Variants in PRICKLE2 observed in about 807,000 individuals in gnomAD.
The protein encoded by PRICKLE2 is prickle planar cell polarity protein 2, also known as prickle-like protein 2.
A neutral mutation model predicts 81.4 loss-of-function variants in PRICKLE2; 21 were observed. The ratio of observed to expected loss-of-function variants is 0.26; its 90% CI spans 0.18 to 0.37. The LOEUF (loss-of-function observed/expected upper bound fraction) is 0.37. PRICKLE2 is among the 10% of genes least tolerant of loss of function. PRICKLE2 has a pLI of 1.00. For synonymous variants in PRICKLE2, 456 were observed against 421.5 expected (o/e 1.08, Z -1.00); for missense variants, 940 against 1,109.0 (o/e 0.85, Z 2.16).
upstream of PRICKLE2, among the ~76,000 whole-genome samples, chr3:64,227,219 C>T (rs907150275): frequency 6.6e-6 from 1 of 152,200 alleles, no homozygotes; most frequent in African/African-American, 2.4e-5. Context: ...ATGAATAACA[C>T]TCAGCCTTCA....
At chr3:64,247,098 G>C (rs1293612842) in intron 2 of PRICKLE2, among the ~76,000 whole-genome samples, 1 of 152,216 alleles carries the variant, frequency 6.6e-6, no homozygotes, top group Admixed American at 6.5e-5. Context: ...CAAAGCCACA[G>C]TGCTGGTAGC....
At chr3:64,248,291 A>T (rs981118701) in intron 2 of PRICKLE2, among the ~76,000 whole-genome samples, 1 of 152,218 alleles carries the variant, frequency 6.6e-6, no homozygotes, top group South Asian at 2.1e-4. Flanking sequence ...AAAGCATTTA[A>T]TAAGGGGCAA....
At chr3:64,119,665 T>A (rs2076995405) in intron 7 of PRICKLE2, among the ~76,000 whole-genome samples, 1 of 152,126 alleles carries the variant, frequency 6.6e-6, no homozygotes, top group Admixed American at 6.5e-5. Flanking sequence ...CTCAAAGAAC[T>A]TAAACCAAAC....
chr3:64,118,507 A>G (rs1056418373), intron 7 of PRICKLE2, among the ~76,000 whole-genome samples: 16 of 152,156 alleles, frequency 1.1e-4, no homozygotes, highest in Non-Finnish European at 2.4e-4. Context: ...CAAGAAAAAA[A>G]CCAAACCACC....
At chr3:64,142,101 T>A in intron 7 of PRICKLE2, 1 of 199,526 alleles carries the variant, frequency 5.0e-6, no homozygotes, top group African/African-American at 2.4e-5. Flanking sequence ...GTGTGCAGAG[T>A]AGGATGTGAA....
intron 6 of PRICKLE2, among the ~76,000 whole-genome samples, chr3:64,150,666 C>G (rs2077530454): frequency 6.6e-6 from 1 of 152,160 alleles, no homozygotes; most frequent in African/African-American, 2.4e-5. Context: ...GCGGCTATCC[C>G]CACTCCCTGT....
chr3:64,146,459 C>G, intron 7 of PRICKLE2: 1 of 239,956 alleles, frequency 4.2e-6, no homozygotes, highest in South Asian at 5.8e-5. Flanking sequence ...ATCCGGAGGA[C>G]CAGGCTGGGC....
At position 64,115,230 on chromosome 3, in the gene PRICKLE2, C is replaced by T. The variant is rs187773308; in HGVS notation, c.1661-15305G>A. ...TAATTTGCAAAGGAAAGACCATTACCAGCCTCTGTAAAAACACACTGAAGT... is the reference window on the plus strand; with the variant it reads ...TAATTTGCAAAGGAAAGACCATTACTAGCCTCTGTAAAAACACACTGAAGT... On this transcript the variant is annotated intron_variant, in intron 7 of 7. Transcript: ENST00000638394. Among the ~76,000 whole-genome samples the T allele has an allele frequency of 4.6e-5, 7 of 152,314 alleles. No individual in the cohort carries two copies. In the East Asian group the frequency reaches 1.2e-3, roughly 25 times the overall value.
intron 1 of PRICKLE2, 99 bp from the exon 2 acceptor site, chr3:64,199,066 A>C: frequency 8.9e-7 from 1 of 1,126,852 alleles, no homozygotes; most frequent in Non-Finnish European, 1.3e-6. Context: ...AACCATAAAC[A>C]CATTCCTTGG....
intron 3 of PRICKLE2, among the ~76,000 whole-genome samples, chr3:64,162,371 T>C (rs1228070632): frequency 6.6e-6 from 1 of 152,088 alleles, no homozygotes; most frequent in Non-Finnish European, 1.5e-5. Context: ...TGTTTACAAA[T>C]TTCTCTTTAT....
intron 3 of PRICKLE2, among the ~76,000 whole-genome samples, 192 bp from the exon 4 acceptor site, chr3:64,160,269 G>C (rs915118504): frequency 6.6e-6 from 1 of 152,080 alleles, no homozygotes; most frequent in Non-Finnish European, 1.5e-5. Flanking sequence ...CTAAGATTGC[G>C]GACAGCCAAA....
chr3:64,234,677 A>G (rs1241796161), intron 2 of PRICKLE2, among the ~76,000 whole-genome samples: 1 of 151,992 alleles, frequency 6.6e-6, no homozygotes, highest in Non-Finnish European at 1.5e-5. Flanking sequence ...TCGTTTATCT[A>G]TTTTTTCTTT....
At chr3:64,158,039 G>C (rs1250597348) in intron 4 of PRICKLE2, among the ~76,000 whole-genome samples, 1 of 152,208 alleles carries the variant, frequency 6.6e-6, no homozygotes, top group Admixed American at 6.5e-5. Context: ...AAGAAACAAG[G>C]CAGAATCACT....
At chr3:64,146,558 A>C (rs1316947420) in intron 7 of PRICKLE2, 1 of 395,158 alleles carries the variant, frequency 2.5e-6, no homozygotes, top group Non-Finnish European at 4.8e-6. Flanking sequence ...CCCGGCTAAC[A>C]CGGTGAAACA....
intron 1 of PRICKLE2, among the ~76,000 whole-genome samples, chr3:64,208,257 C>T (rs1427977027): frequency 6.6e-6 from 1 of 152,162 alleles, no homozygotes; most frequent in Non-Finnish European, 1.5e-5. Context: ...GCAAGGTCTG[C>T]CTGCCCTAAG....
Position 64,098,530 on chromosome 3 carries a change from C to T in PRICKLE2, c.*521G>A, listed in dbSNP as rs1208599622. 2 of 146,936 alleles carry T rather than the reference C, an allele frequency of 1.4e-5. No homozygotes were observed. Among genetic ancestry groups the T allele is most frequent in the Non-Finnish European group, 2.9e-5 (2 of 68,368 alleles). The allele number at this position is 146,936 out of a possible 1,614,324, so 9.1% of individuals were successfully genotyped here. A position where few individuals can be genotyped will look rare whatever the true frequency, so the allele number is the denominator to read the frequency against. On this transcript the variant is annotated 3_prime_UTR_variant, in exon 8 of 8. Coordinates refer to ENST00000638394, the MANE Select transcript of PRICKLE2 (RefSeq NM_198859.4). Reference sequence around the variant, plus strand: ...GCCACATTTCAATACTACTCAGAGACAATGGTGGATGTGCATGCAAGTCCC... The same window carrying T: ...GCCACATTTCAATACTACTCAGAGATAATGGTGGATGTGCATGCAAGTCCC...
intron 2 of PRICKLE2, among the ~76,000 whole-genome samples, chr3:64,240,604 T>C (rs1184128093): frequency 6.6e-6 from 1 of 152,148 alleles, no homozygotes; most frequent in African/African-American, 2.4e-5. Context: ...TCTGGACAAC[T>C]TAGTCACTTG....
chr3:64,136,561 G>A (rs927585450), intron 7 of PRICKLE2, among the ~76,000 whole-genome samples: 7 of 151,604 alleles, frequency 4.6e-5, no homozygotes, highest in African/African-American at 1.7e-4. Flanking sequence ...AGCTAGCTTA[G>A]GCTGCTTGTA....
intron 2 of PRICKLE2, among the ~76,000 whole-genome samples, chr3:64,177,205 G>T (rs904979763): frequency 8.4e-6 from 1 of 118,576 alleles, no homozygotes; most frequent in Non-Finnish European, 1.6e-5. Context: ...GCGTGATCTC[G>T]GCTCACTGCA....
Sources: allele counts gnomAD v4.1 joint callset (sites outside exome capture counted in the v4.1 genomes callset), GRCh38; gene constraint gnomAD v4.1.1; transcripts MANE v1.5; gene names NCBI Gene and HGNC (gene_info 2026-07-23, HGNC 2026-07-21).